ZNF667: variants seen among roughly 807,000 people sequenced by gnomAD.
The protein encoded by ZNF667 is zinc finger protein 667.
A neutral mutation model predicts 31.8 loss-of-function variants in ZNF667; 13 were observed. That is an observed-to-expected ratio of 0.41 (90% confidence interval 0.27 to 0.65). The LOEUF is 0.65. Among genes scored for constraint, ZNF667 ranks in the 30% least tolerant of loss-of-function variants. ZNF667 has a pLI of 0.32. For missense variants in ZNF667, 642 were observed against 725.6 expected, an observed-to-expected ratio of 0.88 and a Z score of 1.32; for synonymous variants, 228 against 247.1, an observed-to-expected ratio of 0.92 and a Z score of 0.73.
rs2147646457 is a variant in ZNF667, at chr19:56,440,761, C to T, written c.*401G>A. 2.0e-6 allele frequency: 1 copy of T among 512,550 alleles called. No individual in the cohort carries two copies. Among genetic ancestry groups the T allele is most frequent in the Non-Finnish European group, 2.6e-6 (1 of 387,930 alleles). 31.8% of individuals were successfully genotyped at this position (512,550 alleles called of 1,614,324 possible). On this transcript the variant is annotated 3_prime_UTR_variant, in exon 7 of 7. Coordinates refer to ENST00000504904, the MANE Select transcript of ZNF667 (RefSeq NM_001321356.2). Reference sequence around the variant, plus strand: ...AAGCGATTCTCCTGCCTCAGCCTCTCCAGTAGCTGAGATTACAGGTGCGCA... The same window carrying T: ...AAGCGATTCTCCTGCCTCAGCCTCTTCAGTAGCTGAGATTACAGGTGCGCA...
chr19:56,449,560 T>C, intron 6 of ZNF667: 1 of 256,486 alleles, frequency 3.9e-6, no homozygotes, highest in Non-Finnish European at 7.9e-6. Context: ...GACACACCTG[T>C]AATCCCAGCC....
chr19:56,470,385 T>A (rs1331682690), intron 3 of ZNF667, among the ~76,000 whole-genome samples: 2 of 152,258 alleles, frequency 1.3e-5, no homozygotes, highest in African/African-American at 4.8e-5. Flanking sequence ...ACGATGAGAA[T>A]GAAAGCTGTG....
intron 4 of ZNF667, among the ~76,000 whole-genome samples, chr19:56,461,036 G>A (rs1365952971): frequency 2.0e-5 from 3 of 152,164 alleles, no homozygotes; most frequent in Admixed American, 1.3e-4. Flanking sequence ...TTAAGAACAC[G>A]TGGCAACCTG....
intron 3 of ZNF667, 58 bp from the exon 4 acceptor site, chr19:56,462,487 C>A (rs2043066425): frequency 9.6e-7 from 1 of 1,040,066 alleles, no homozygotes; most frequent in Non-Finnish European, 1.5e-6. Flanking sequence ...CCTACCTAAC[C>A]TGGAGACACA....
intron 3 of ZNF667, among the ~76,000 whole-genome samples, chr19:56,465,502 T>C (rs2043139458): frequency 6.6e-6 from 1 of 152,242 alleles, no homozygotes; most frequent in Non-Finnish European, 1.5e-5. Context: ...GATGAATAAA[T>C]GTTCCATGTG....
At chr19:56,473,862 T>C (rs905492834) in intron 2 of ZNF667, 150 bp downstream of exon 2, 1 of 152,120 alleles carries the variant, frequency 6.6e-6, no homozygotes, top group African/African-American at 2.4e-5. Context: ...AACAAAAAGT[T>C]TGTAGCAGTG....
At position 56,440,853 on chromosome 19, in the gene ZNF667, G is replaced by A. The variant is rs766140328; in HGVS notation, c.*309C>T. The A allele has an allele frequency of 1.7e-4, 175 of 1,030,564 alleles. 1 individual carries two copies. The highest frequency in any genetic ancestry group is 1.7e-4 in the Non-Finnish European group (142 of 832,948). The allele number at this position is 1,030,564 out of a possible 1,614,324, so 63.8% of individuals were successfully genotyped here. A position where few individuals can be genotyped will look rare whatever the true frequency, so the allele number is the denominator to read the frequency against. Reference sequence around the variant, plus strand: ...GGTTTCACCGTGGTCTCAAACTCTTGACCTCGTGATCCGCCTGTCTCAGCC... The same window carrying A: ...GGTTTCACCGTGGTCTCAAACTCTTAACCTCGTGATCCGCCTGTCTCAGCC... On this transcript the variant is annotated 3_prime_UTR_variant, in exon 7 of 7. Coordinates refer to ENST00000504904, the MANE Select transcript of ZNF667 (RefSeq NM_001321356.2).
rs1168237821 is a variant in ZNF667 at position 56,467,043 on chromosome 19, G to C, written c.-59-4614C>G. Reference sequence around the variant, plus strand: ...AACCCTCTCTTATGGTCTGGATTGGGACCCTCTTTTCCAGCAACACTCACT... The same window carrying C: ...AACCCTCTCTTATGGTCTGGATTGGCACCCTCTTTTCCAGCAACACTCACT... On this transcript the variant is annotated intron_variant, in intron 3 of 6. Coordinates refer to ENST00000504904, the MANE Select transcript of ZNF667 (RefSeq NM_001321356.2). 8.8e-6 allele frequency: 4 copies of C among 456,480 alleles called. No individual in the cohort carries two copies. In the East Asian group the frequency reaches 2.8e-4, roughly 32 times the overall value. The allele number at this position is 456,480 out of a possible 1,614,324, so 28.3% of individuals were successfully genotyped here. A position where few individuals can be genotyped will look rare whatever the true frequency, so the allele number is the denominator to read the frequency against.
intron 6 of ZNF667, among the ~76,000 whole-genome samples, chr19:56,456,227 C>T (rs2042928160): frequency 6.6e-6 from 1 of 152,152 alleles, no homozygotes; most frequent in African/African-American, 2.4e-5. Flanking sequence ...AAAAATCAAA[C>T]CCTGTTGCTA....
chr19:56,449,452 G>T, intron 6 of ZNF667: 1 of 258,588 alleles, frequency 3.9e-6, no homozygotes, highest in South Asian at 3.3e-5. Flanking sequence ...AAGGCGGGCG[G>T]GTGGATCACC....
Position 56,462,232 on chromosome 19 carries a change from G to C in ZNF667, c.33+106C>G, listed in dbSNP as rs1034178259. The C allele has an allele frequency of 2.8e-6, 4 of 1,407,136 alleles. No homozygotes were observed. The African/African-American group carries it at 5.6e-5, about 20-fold the overall frequency. 87.2% of individuals were successfully genotyped at this position (1,407,136 alleles called of 1,614,324 possible). ...GGGAGAAAACCAAAGACTAGGTGTT[G>C]GATGGATCTCCAACAGGCAACAAGT... On this transcript the variant is annotated intron_variant, in intron 4 of 6. Coordinates refer to ENST00000504904, the MANE Select transcript of ZNF667 (RefSeq NM_001321356.2).
At chr19:56,459,709 G>A (rs2043004632) in intron 5 of ZNF667, among the ~76,000 whole-genome samples, 1 of 152,158 alleles carries the variant, frequency 6.6e-6, no homozygotes, top group Non-Finnish European at 1.5e-5. Context: ...TCTATCAAAA[G>A]AGGGCTGAGT....
chr19:56,477,787 A>C (rs552770633), upstream of ZNF667: 1 of 152,286 alleles, frequency 6.6e-6, no homozygotes, highest in Non-Finnish European at 1.5e-5. Context: ...TCGCCCCCAC[A>C]TTCACGAGGT....
intron 6 of ZNF667, chr19:56,444,155 A>G (rs2042674966): frequency 7.5e-6 from 3 of 398,292 alleles, no homozygotes; most frequent in East Asian, 7.1e-5. Flanking sequence ...AAGTTCCTAT[A>G]TTGCTATAAA....
chr19:56,467,463 C>T (rs1018979808), intron 3 of ZNF667, among the ~76,000 whole-genome samples: 5 of 152,126 alleles, frequency 3.3e-5, no homozygotes, highest in Admixed American at 2.6e-4. Flanking sequence ...TTCCACACAC[C>T]AAGCAAGCAA....
chr19:56,442,792 T>C, intron 6 of ZNF667, 51 bp from the exon 7 acceptor site: 1 of 1,487,328 alleles, frequency 6.7e-7, no homozygotes, highest in South Asian at 1.4e-5. Flanking sequence ...GCTGAAAAAA[T>C]GAAGATTCTA....
chr19:56,468,462 T>A (rs2043213739), intron 3 of ZNF667: 1 of 152,260 alleles, frequency 6.6e-6, no homozygotes, highest in African/African-American at 2.4e-5. Context: ...GGCCCTTGCT[T>A]CGAGTTGTCC....
chr19:56,458,775 C>A (rs1466855079), intron 5 of ZNF667, among the ~76,000 whole-genome samples: 2 of 152,190 alleles, frequency 1.3e-5, no homozygotes, highest in Non-Finnish European at 2.9e-5. Flanking sequence ...GTCCCTCCCC[C>A]CATAACTTAC....
intron 5 of ZNF667, among the ~76,000 whole-genome samples, chr19:56,458,551 C>T (rs56256568): frequency 0.016 from 2,506 of 152,232 alleles, 82 homozygotes; most frequent in African/African-American, 0.058. Flanking sequence ...GGCTGGTTGC[C>T]GATCATGTGA....
Sources: gnomAD v4.1 joint callset for allele counts (sites outside exome capture counted in the v4.1 genomes callset) on GRCh38, gnomAD v4.1.1 for gene constraint, MANE v1.5 for transcripts, NCBI Gene and HGNC (gene_info 2026-07-23, HGNC 2026-07-21) for gene names.